Variants in NRXN3 observed in about 807,000 individuals in gnomAD.
NRXN3 encodes neurexin 3.
Under a neutral mutation model 137.6 loss-of-function variants are expected in NRXN3, and 32 were observed. That is an observed-to-expected ratio of 0.23 (90% CI 0.18 to 0.31). NRXN3 has a LOEUF of 0.31. NRXN3 is among the 10% of genes least tolerant of loss of function. The probability of loss-of-function intolerance (pLI) is 1.00; values close to 1 mark genes in which losing one functional copy is unlikely to be tolerated. For synonymous variants in NRXN3, 798 were observed against 784.5 expected, an observed-to-expected ratio of 1.02 and a Z score of -0.29; for missense variants, 1,574 against 2,062.5, an observed-to-expected ratio of 0.76 and a Z score of 4.59.
intron 4 of NRXN3, among the ~76,000 whole-genome samples, chr14:78,534,195 A>G (rs1292587781): frequency 1.3e-5 from 2 of 152,232 alleles, no homozygotes; most frequent in Non-Finnish European, 2.9e-5. Flanking sequence ...TAATGAGGCA[A>G]CATGGATTTT....
At chr14:78,418,365 T>C (rs1181193298) in intron 4 of NRXN3, among the ~76,000 whole-genome samples, 1 of 152,174 alleles carries the variant, frequency 6.6e-6, no homozygotes, top group African/African-American at 2.4e-5. Context: ...TTTCCTTTGG[T>C]ACTCTATTTC....
At chr14:79,162,757 G>A (rs538435288) in intron 15 of NRXN3, among the ~76,000 whole-genome samples, 2 of 151,986 alleles carry the variant, frequency 1.3e-5, no homozygotes, top group South Asian at 4.1e-4. Flanking sequence ...CAAGCAAGGT[G>A]GGCCTGATTG....
intron 16 of NRXN3, among the ~76,000 whole-genome samples, chr14:79,653,529 C>A (rs1160677077): frequency 6.6e-6 from 1 of 152,224 alleles, no homozygotes; most frequent in African/African-American, 2.4e-5. Flanking sequence ...TAGCTACTAC[C>A]ATCTTTTGCC....
Position 78,699,275 on chromosome 14 carries a change from G to A in NRXN3, c.1222-9942G>A, listed in dbSNP as rs555442499. Among the ~76,000 whole-genome samples, 7 of 149,726 alleles carry A rather than the reference G, an allele frequency of 4.7e-5. No individual in the cohort carries two copies. The East Asian group carries it at 7.7e-4, about 17-fold the overall frequency. ...ATGCCTAAACTGTGCTTCAAGTGGC[G>A]AATAGTAGTTATCCAGGTAGAGAAT... is the stretch of plus-strand genomic sequence containing the variant. On this transcript the variant is annotated intron_variant, in intron 6 of 20. Transcript: ENST00000335750.
chr14:78,291,014 A>G (rs1032438878), intron 3 of NRXN3, among the ~76,000 whole-genome samples: 2 of 152,212 alleles, frequency 1.3e-5, no homozygotes, highest in South Asian at 2.1e-4. Flanking sequence ...AAGGGAGAAG[A>G]CAGCCATTTA....
intron 15 of NRXN3, among the ~76,000 whole-genome samples, chr14:79,132,385 A>G (rs1251753844): frequency 1.3e-5 from 2 of 152,258 alleles, no homozygotes; most frequent in Admixed American, 1.3e-4. Context: ...TATAAAATAC[A>G]CATCAAATTT....
At chr14:78,505,002 A>G (rs2095958795) in intron 4 of NRXN3, among the ~76,000 whole-genome samples, 1 of 152,114 alleles carries the variant, frequency 6.6e-6, no homozygotes, top group Non-Finnish European at 1.5e-5. Context: ...CTAAGGTTAC[A>G]CAAAGCTCAT....
chr14:79,228,453 T>C (rs183674340), intron 15 of NRXN3, among the ~76,000 whole-genome samples: 1 of 152,298 alleles, frequency 6.6e-6, no homozygotes, highest in East Asian at 1.9e-4. Flanking sequence ...GCAACAGATG[T>C]TGCAATGCCA....
chr14:79,532,601 A>G (rs1461921941), intron 16 of NRXN3, among the ~76,000 whole-genome samples: 1 of 152,160 alleles, frequency 6.6e-6, no homozygotes, highest in Non-Finnish European at 1.5e-5. Context: ...GACCATGCAA[A>G]TAATATCATT....
At chr14:78,913,356 T>A (rs1205666470) in intron 10 of NRXN3, among the ~76,000 whole-genome samples, 5 of 133,882 alleles carry the variant, frequency 3.7e-5, no homozygotes, top group Non-Finnish European at 7.8e-5. Context: ...CTCAGTCCAC[T>A]GCAACCTCCA....
chr14:79,265,322 T>C (rs2078302289), intron 15 of NRXN3, among the ~76,000 whole-genome samples: 1 of 151,230 alleles, frequency 6.6e-6, no homozygotes, highest in Non-Finnish European at 1.5e-5. Flanking sequence ...GCCAAGAGTT[T>C]CTTGTCATTT....
chr14:78,750,340 G>A (rs2098635066), intron 8 of NRXN3, among the ~76,000 whole-genome samples: 1 of 152,156 alleles, frequency 6.6e-6, no homozygotes, highest in Non-Finnish European at 1.5e-5. Flanking sequence ...ATGCTGAAAG[G>A]CCAATCATAG....
chr14:78,387,124 C>A (rs2090088334), intron 4 of NRXN3, among the ~76,000 whole-genome samples: 1 of 152,082 alleles, frequency 6.6e-6, no homozygotes, highest in African/African-American at 2.4e-5. Context: ...TGCTCACCCC[C>A]AGCTCACAAG....
intron 17 of NRXN3, 87 bp downstream of exon 17, chr14:79,664,036 A>C: frequency 7.4e-7 from 1 of 1,352,174 alleles, no homozygotes. Context: ...ACTGTCACCA[A>C]ATTCCAGAAC....
intron 8 of NRXN3, among the ~76,000 whole-genome samples, chr14:78,760,803 G>T (rs1025820615): frequency 6.6e-6 from 1 of 152,012 alleles, no homozygotes; most frequent in African/African-American, 2.4e-5. Context: ...TGAGCCCTTT[G>T]CGTTAATAAA....
At chr14:78,293,383 T>G (rs1418462813) in intron 3 of NRXN3, among the ~76,000 whole-genome samples, 1 of 152,294 alleles carries the variant, frequency 6.6e-6, no homozygotes, top group Non-Finnish European at 1.5e-5. Flanking sequence ...ATCTTTTGCT[T>G]GACTGATTCC....
At chr14:78,916,351 A>G (rs908232636) in intron 10 of NRXN3, among the ~76,000 whole-genome samples, 4 of 152,156 alleles carry the variant, frequency 2.6e-5, no homozygotes, top group Non-Finnish European at 5.9e-5. Flanking sequence ...AAATGTTCCA[A>G]AGAAATAAAC....
At chr14:78,340,978 C>T (rs2082083841) in intron 4 of NRXN3, among the ~76,000 whole-genome samples, 2 of 152,064 alleles carry the variant, frequency 1.3e-5, no homozygotes, top group African/African-American at 4.8e-5. Flanking sequence ...ATAGGACACT[C>T]GGTTAAATGT....
intron 7 of NRXN3, among the ~76,000 whole-genome samples, chr14:78,710,685 C>G (rs190592955): frequency 2.3e-4 from 35 of 152,278 alleles, no homozygotes; most frequent in African/African-American, 8.2e-4. Context: ...GCAATAAGTT[C>G]CCCAAAAGGC....
Sources: allele counts gnomAD v4.1 joint callset (sites outside exome capture counted in the v4.1 genomes callset), GRCh38; gene constraint gnomAD v4.1.1; transcripts MANE v1.5; gene names NCBI Gene and HGNC (gene_info 2026-07-23, HGNC 2026-07-21).